Variants in SCFD2 observed in about 807,000 individuals in gnomAD.
SCFD2 encodes the protein sec1 family domain-containing protein 2.
SCFD2 carries 54 observed loss-of-function variants against 58.9 expected under a neutral mutation model. That is an observed-to-expected ratio of 0.92 (90% CI 0.74 to 1.15). SCFD2 has a LOEUF of 1.15. SCFD2 is among the 50% of genes most tolerant of loss of function. SCFD2 has a pLI of 0.00. For synonymous variants in SCFD2, 321 were observed against 335.9 expected, an observed-to-expected ratio of 0.96 and a Z score of 0.49; for missense variants, 805 against 836.6, an observed-to-expected ratio of 0.96 and a Z score of 0.47.
At chr4:52,910,798 A>G (rs1719466396) in intron 6 of SCFD2, among the ~76,000 whole-genome samples, 1 of 152,156 alleles carries the variant, frequency 6.6e-6, no homozygotes, top group African/African-American at 2.4e-5. Flanking sequence ...TTCTCATGAC[A>G]GTGGGAGAGT....
chr4:52,974,183 G>C (rs1721187785), intron 5 of SCFD2, among the ~76,000 whole-genome samples: 1 of 152,142 alleles, frequency 6.6e-6, no homozygotes, highest in African/African-American at 2.4e-5. Flanking sequence ...AATCAGGAAG[G>C]AGAAGGAAAT....
At chr4:53,179,543 A>C (rs868625162) in intron 4 of SCFD2, among the ~76,000 whole-genome samples, 3 of 152,232 alleles carry the variant, frequency 2.0e-5, no homozygotes, top group Admixed American at 6.5e-5. Flanking sequence ...CCACTGCAAA[A>C]ACATGCCAAA....
chr4:53,239,540 A>C (rs761363730), intron 4 of SCFD2, among the ~76,000 whole-genome samples: 2 of 152,172 alleles, frequency 1.3e-5, no homozygotes, highest in Non-Finnish European at 2.9e-5. Context: ...GCTGGAGTGC[A>C]ATGGCTGGAT....
intron 5 of SCFD2, among the ~76,000 whole-genome samples, chr4:52,965,411 C>T (rs1720941664): frequency 6.6e-6 from 1 of 152,318 alleles, no homozygotes; most frequent in Admixed American, 6.5e-5. Context: ...AGCGGCTGAG[C>T]ACATGCTTCT....
chr4:53,068,253 A>G (rs1452407150), intron 5 of SCFD2, among the ~76,000 whole-genome samples: 1 of 152,130 alleles, frequency 6.6e-6, no homozygotes, highest in Non-Finnish European at 1.5e-5. Flanking sequence ...CCCACTCCAC[A>G]GTTTCTAAAG....
chr4:53,226,303 TG>T (rs1368849993), intron 4 of SCFD2, among the ~76,000 whole-genome samples: 3 of 151,946 alleles, frequency 2.0e-5, no homozygotes, highest in South Asian at 2.1e-4. Flanking sequence ...ATTATTTTTA[TG>T]GGGGGGAGGG....
At chr4:53,062,329 G>A (rs570611058) in intron 5 of SCFD2, among the ~76,000 whole-genome samples, 1 of 151,852 alleles carries the variant, frequency 6.6e-6, no homozygotes, top group Non-Finnish European at 1.5e-5. Flanking sequence ...CTGAGATCGT[G>A]CCACTGCACT....
chr4:53,228,617 A>C (rs1362610160), intron 4 of SCFD2, among the ~76,000 whole-genome samples: 1 of 152,222 alleles, frequency 6.6e-6, no homozygotes, highest in African/African-American at 2.4e-5. Flanking sequence ...AATGGGACGT[A>C]TCTCAAAATA....
chr4:53,323,984 G>T, intron 2 of SCFD2, among the ~76,000 whole-genome samples: 1 of 152,176 alleles, frequency 6.6e-6, no homozygotes, highest in East Asian at 1.9e-4. Context: ...CAAATAAAGG[G>T]ATAACAAGCA....
intron 2 of SCFD2, among the ~76,000 whole-genome samples, chr4:53,344,514 G>A (rs1193861752): frequency 2.0e-5 from 3 of 151,718 alleles, no homozygotes; most frequent in African/African-American, 7.3e-5. Context: ...CACGAAAATG[G>A]CCATACTGCC....
At chr4:53,274,133 A>G in intron 3 of SCFD2, 132 bp from the exon 4 acceptor site, 1 of 688,776 alleles carries the variant, frequency 1.5e-6, no homozygotes, top group Non-Finnish European at 2.2e-6. Flanking sequence ...TTCCTAAGCT[A>G]TTGTGATTCT....
Position 53,365,373 on chromosome 4 carries a change from G to C in SCFD2, c.569C>G (p.Ala190Gly). ...LPQDVHLLNS[A>G]RPDKRKLGSL... ...TCCCAGCTTCCTCTTGTCCGGTCGG[G>C]CGCTATTAAGGAGGTGCACATCCTG... Residue 190 changes from alanine to glycine, a missense_variant, in exon 1 of 9, where the codon GCC (alanine) becomes GGC (glycine). This residue lies in a region of SCFD2 where 633 missense variants were observed against 646.8 expected (regional missense o/e 0.98). Transcript: ENST00000401642. The surrounding 1 kb of genome is among the most constrained non-coding windows in gnomAD (Gnocchi z 4.3). The C allele has an allele frequency of 6.2e-7, 1 of 1,614,174 alleles. No homozygotes were observed. The highest frequency in any genetic ancestry group is 1.1e-5 in the South Asian group (1 of 91,082).
chr4:53,116,667 T>C (rs1725328173), intron 5 of SCFD2, among the ~76,000 whole-genome samples: 2 of 152,190 alleles, frequency 1.3e-5, no homozygotes, highest in South Asian at 2.1e-4. Flanking sequence ...CTGAATCCAA[T>C]TATACCTGAA....
chr4:53,076,868 G>T (rs1443562273), intron 5 of SCFD2, among the ~76,000 whole-genome samples: 1 of 152,112 alleles, frequency 6.6e-6, no homozygotes, highest in Non-Finnish European at 1.5e-5. Flanking sequence ...CAGCAGAGTA[G>T]AACTTGGAGA....
At chr4:53,176,293 T>C (rs1331606339) in intron 4 of SCFD2, among the ~76,000 whole-genome samples, 1 of 152,242 alleles carries the variant, frequency 6.6e-6, no homozygotes. Context: ...TTTAAGTTAG[T>C]AATACAGACA....
At chr4:52,980,941 T>C (rs1201744148) in intron 5 of SCFD2, among the ~76,000 whole-genome samples, 1 of 152,130 alleles carries the variant, frequency 6.6e-6, no homozygotes, top group Non-Finnish European at 1.5e-5. Context: ...ATAGCCTATA[T>C]TGGTGTAGTG....
At chr4:53,219,224 T>C (rs184015103) in intron 4 of SCFD2, among the ~76,000 whole-genome samples, 3 of 152,224 alleles carry the variant, frequency 2.0e-5, no homozygotes, top group Non-Finnish European at 4.4e-5. Context: ...AGCTATGCCC[T>C]GCCCCAAGAG....
chr4:53,153,341 TC>T (rs1179699729), intron 4 of SCFD2, among the ~76,000 whole-genome samples: 2 of 152,136 alleles, frequency 1.3e-5, no homozygotes, highest in Non-Finnish European at 2.9e-5. Context: ...GTGCCTACAG[TC>T]TTAAAACCAT....
chr4:53,182,272 C>A (rs1727588381), intron 4 of SCFD2, among the ~76,000 whole-genome samples: 1 of 152,150 alleles, frequency 6.6e-6, no homozygotes, highest in Non-Finnish European at 1.5e-5. Context: ...GCTACAGTAA[C>A]CAAAACAGCG....
Sources: allele counts gnomAD v4.1 joint callset (sites outside exome capture counted in the v4.1 genomes callset), GRCh38; gene constraint gnomAD v4.1.1; regional missense constraint gnomAD v4.1.1; non-coding constraint Gnocchi (gnomAD v3.1); transcripts MANE v1.5; gene names NCBI Gene and HGNC (gene_info 2026-07-23, HGNC 2026-07-21).